The following TRAM1L1 variants were observed in gnomAD, a reference collection of about 807,000 sequenced individuals.
TRAM1L1 encodes translocation associated membrane protein 1 like 1, also known as translocating chain-associated membrane protein 1-like 1.
For synonymous variants in TRAM1L1, 189 were observed against 163.6 expected (o/e 1.16, Z -1.18); for missense variants, 451 against 439.9 (o/e 1.03, Z -0.23).
In TRAM1L1 at chr4:117,084,429, C is replaced by T. The variant is rs1452181036; in HGVS notation, c.965G>A (p.Arg322Lys). Reference sequence around the variant, plus strand: ...CTGAATATTAGAATCTTCTACCCACCTCTGAAGCCAGAGAGTAATTAAGTT... The same window carrying T: ...CTGAATATTAGAATCTTCTACCCACTTCTGAAGCCAGAGAGTAATTAAGTT... ...TWNLITLWLQ[R>K]WVEDSNIQAS... Residue 322 changes from arginine to lysine, a missense_variant, in exon 1 of 1, where the codon AGG becomes AAG. Coordinates refer to ENST00000310754, the MANE Select transcript of TRAM1L1 (RefSeq NM_152402.3). 5 of 1,614,016 alleles carry T rather than the reference C, an allele frequency of 3.1e-6. No individual in the cohort carries two copies. In the African/African-American group the frequency reaches 6.7e-5, roughly 22 times the overall value.
rs1460039332 is a variant in TRAM1L1, at chr4:117,083,724, C to A, written c.*560G>T. 6.6e-6 allele frequency: 1 copy of A among 152,540 alleles called. No individual in the cohort carries two copies. Among genetic ancestry groups the A allele is most frequent in the Non-Finnish European group, 1.5e-5 (1 of 68,030 alleles). 9.4% of individuals were successfully genotyped at this position (152,540 alleles called of 1,614,324 possible). A position where few individuals can be genotyped will look rare whatever the true frequency, so the allele number is the denominator to read the frequency against. On this transcript the variant is annotated 3_prime_UTR_variant, in exon 1 of 1. Coordinates refer to ENST00000310754, the MANE Select transcript of TRAM1L1 (RefSeq NM_152402.3). Reference sequence around the variant, plus strand: ...TGTGTTTTTTTAAATGGGGATGAAGCACTAATAATCACTACCTGTAAAATA... The same window carrying A: ...TGTGTTTTTTTAAATGGGGATGAAGAACTAATAATCACTACCTGTAAAATA...
Position 117,085,554 on chromosome 4 carries a change from G to T in TRAM1L1, c.-161C>A, listed in dbSNP as rs1260527898. 4.0e-6 allele frequency: 4 copies of T among 994,188 alleles called. No homozygotes were observed. The highest frequency in any genetic ancestry group is 1.6e-5 in the African/African-American group (1 of 60,982). The allele number at this position is 994,188 out of a possible 1,614,324, so 61.6% of individuals were successfully genotyped here. On this transcript the variant is annotated 5_prime_UTR_variant, in exon 1 of 1. The change creates a premature stop within an existing upstream ORF in the 5' untranslated region. Coordinates refer to ENST00000310754, the MANE Select transcript of TRAM1L1 (RefSeq NM_152402.3). ...CCCAGAAAAAAAATAAATCAAAGGC[G>T]AGGGCCGAGCTGAGCTGAGCATGCG...
At position 117,085,560 on chromosome 4, in the gene TRAM1L1, C is replaced by CGAGCT. The variant is rs1289436933; in HGVS notation, c.-172_-168dup. On this transcript the variant is annotated 5_prime_UTR_variant, in exon 1 of 1. An upstream open reading frame in the 5' UTR gains an earlier in-frame stop. Transcript: ENST00000310754. ...AAAAAAATAAATCAAAGGCGAGGGC[C>CGAGCT]GAGCTGAGCTGAGCATGCGCACCAG... 2 of 926,460 alleles carry CGAGCT rather than the reference C, an allele frequency of 2.2e-6. No individual in the cohort carries two copies. Among genetic ancestry groups the CGAGCT allele is most frequent in the East Asian group, 2.7e-5 (1 of 37,004 alleles). The allele number at this position is 926,460 out of a possible 1,614,324, so 57.4% of individuals were successfully genotyped here.
chr4:117,084,856 A>G lies in TRAM1L1; in HGVS notation c.538T>C (p.Phe180Leu). The change falls in exon 1 of 1, where the codon TTT (phenylalanine) becomes CTT (leucine). Residue 180 changes from phenylalanine to leucine, a missense_variant. Phe to Leu is a conservative substitution (Grantham distance 22). Coordinates refer to ENST00000310754, the MANE Select transcript of TRAM1L1 (RefSeq NM_152402.3). ...GTTTTCTGGAAGTAGAGTTCAGGAA[A>G]AGCATGAAACCAGTAAGCCAACTGG... Reference protein sequence around the residue: ...ISQLAYWFHAFPELYFQKTKK... With the variant: ...ISQLAYWFHALPELYFQKTKK... The G allele has an allele frequency of 6.2e-7, 1 of 1,614,144 alleles. No individual in the cohort carries two copies. The highest frequency in any genetic ancestry group is 8.5e-7 in the Non-Finnish European group (1 of 1,180,020).
At position 117,085,440 on chromosome 4, in the gene TRAM1L1, C is replaced by G; in HGVS notation, c.-47G>C. 6.4e-7 allele frequency: 1 copy of G among 1,568,454 alleles called. No homozygotes were observed. The highest frequency in any genetic ancestry group is 2.3e-5 in the East Asian group (1 of 44,308). On this transcript the variant is annotated 5_prime_UTR_variant, in exon 1 of 1. Transcript: ENST00000310754. ...ACCGGCGAGCCGCAGCTGCCTCCCC[C>G]TGGCTGCTCCTCACAGCGCCGCCGC...
In TRAM1L1 at chr4:117,084,963, T is replaced by C. The variant is rs993666533; in HGVS notation, c.431A>G (p.Asn144Ser). The C allele has an allele frequency of 6.2e-7, 1 of 1,614,048 alleles. No individual in the cohort carries two copies. The highest frequency in any genetic ancestry group is 8.5e-7 in the Non-Finnish European group (1 of 1,180,014). Reference protein sequence around the residue: ...IWGTFILISENCLSDPTLIWK... With the variant: ...IWGTFILISESCLSDPTLIWK... ...TATAAGAGTTGGGTCTGACAGGCAG[T>C]TTTCAGAGATTAAAATGAATGTGCC... Residue 144 changes from asparagine to serine, a missense_variant, in exon 1 of 1, where the codon AAC (asparagine) becomes AGC (serine). Physicochemically the swap from Asn to Ser is conservative, Grantham distance 46. Coordinates refer to ENST00000310754, the MANE Select transcript of TRAM1L1 (RefSeq NM_152402.3).
rs757959365 is a variant in TRAM1L1 at position 117,085,006 on chromosome 4, A to T, written c.388T>A (p.Phe130Ile). Residue 130 changes from phenylalanine (F) to isoleucine (I), a missense_variant, in exon 1 of 1, where the codon TTT becomes ATT. Phe to Ile is a conservative substitution (Grantham distance 21). Coordinates refer to ENST00000310754, the MANE Select transcript of TRAM1L1 (RefSeq NM_152402.3). ...NESGQFSVFY[F>I]FSCIWGTFIL... ...AATGTGCCCCAAATACAAGAAAAAAAGTAGAACACACTAAACTGACCAGAC... is the reference window on the plus strand; with the variant it reads ...AATGTGCCCCAAATACAAGAAAAAATGTAGAACACACTAAACTGACCAGAC... The T allele has an allele frequency of 6.2e-7, 1 of 1,614,054 alleles. No homozygotes were observed. The highest frequency in any genetic ancestry group is 8.5e-7 in the Non-Finnish European group (1 of 1,180,014).
chr4:117,084,557 C>T lies in TRAM1L1; in HGVS notation c.837G>A (p.Ser279=), dbSNP rs749454354. 61 of 1,614,118 alleles carry T rather than the reference C, an allele frequency of 3.8e-5. No homozygotes were observed. In the South Asian group the frequency reaches 5.6e-4, roughly 15 times the overall value. Residue 279 remains serine (S), a synonymous_variant, in exon 1 of 1, where the codon TCG becomes TCA. Transcript: ENST00000310754. ...VLTVGFHLAG[S]QNRNPDALTG... The stretch of plus-strand genomic sequence containing the variant: ...TAAGGGCATCAGGATTCCGATTCTG[C>T]GATCCAGCCAGGTGAAACCCAACAG...
At position 117,084,946 on chromosome 4, in the gene TRAM1L1, T is replaced by G. The variant is rs749365572; in HGVS notation, c.448A>C (p.Thr150Pro). The change falls in exon 1 of 1, where the codon ACT becomes CCT. Residue 150 changes from threonine (T) to proline (P), a missense_variant. Transcript: ENST00000310754. ...TGGGGACGAGCCTTCCATATAAGAG[T>G]TGGGTCTGACAGGCAGTTTTCAGAG... ...LISENCLSDPTLIWKARPHSM... is the reference protein window; with the variant it reads ...LISENCLSDPPLIWKARPHSM... The G allele has an allele frequency of 5.6e-5, 91 of 1,613,858 alleles. No individual in the cohort carries two copies. The highest frequency in any genetic ancestry group is 7.5e-5 in the Non-Finnish European group (89 of 1,180,008).
chr4:117,085,564 C>G lies in TRAM1L1; in HGVS notation c.-171G>C. ...AAATAAATCAAAGGCGAGGGCCGAGCTGAGCTGAGCATGCGCACCAGGGGG... is the reference window on the plus strand; with the variant it reads ...AAATAAATCAAAGGCGAGGGCCGAGGTGAGCTGAGCATGCGCACCAGGGGG... On this transcript the variant is annotated 5_prime_UTR_variant, in exon 1 of 1. Transcript: ENST00000310754. 1.2e-6 allele frequency: 1 copy of G among 866,574 alleles called. No homozygotes were observed. 53.7% of individuals were successfully genotyped at this position (866,574 alleles called of 1,614,324 possible).
chr4:117,084,685 C>T lies in TRAM1L1; in HGVS notation c.709G>A (p.Gly237Ser), dbSNP rs1484973517. ...TTTTCATCACTAAAGTAAAACAGGC[C>T]GCACATGTGGGAAAGTAATTCAACA... ...YFVELLSHMCGLFYFSDEKYQ... is the reference protein window; with the variant it reads ...YFVELLSHMCSLFYFSDEKYQ... The change falls in exon 1 of 1, where the codon GGC becomes AGC. Residue 237 changes from glycine (G) to serine (S), a missense_variant. Transcript: ENST00000310754. 6 of 1,613,872 alleles carry T rather than the reference C, an allele frequency of 3.7e-6. No individual in the cohort carries two copies. Among genetic ancestry groups the T allele is most frequent in the Non-Finnish European group, 5.1e-6 (6 of 1,179,998 alleles).
chr4:117,085,511 C>G lies in TRAM1L1; in HGVS notation c.-118G>C. On this transcript the variant is annotated 5_prime_UTR_variant, in exon 1 of 1. Coordinates refer to ENST00000310754, the MANE Select transcript of TRAM1L1 (RefSeq NM_152402.3). ...CTCCACTTCCCATCCCGAAGTCAGT[C>G]CCGGGTCGCAGCGGCCGCCCAGAAA... 5 of 1,404,116 alleles carry G rather than the reference C, an allele frequency of 3.6e-6. No homozygotes were observed. Among genetic ancestry groups the G allele is most frequent in the Non-Finnish European group, 4.8e-6 (5 of 1,042,908 alleles). The allele number at this position is 1,404,116 out of a possible 1,614,324, so 87.0% of individuals were successfully genotyped here. A position where few individuals can be genotyped will look rare whatever the true frequency, so the allele number is the denominator to read the frequency against.
chr4:117,085,191 C>A lies in TRAM1L1; in HGVS notation c.203G>T (p.Gly68Val). Residue 68 changes from glycine (G) to valine (V), a missense_variant, in exon 1 of 1, where the codon GGC becomes GTC. Gly to Val is a moderately radical substitution (Grantham distance 109). Coordinates refer to ENST00000310754, the MANE Select transcript of TRAM1L1 (RefSeq NM_152402.3). ...AVPAAEEQATGSKSLYYYGVK... is the reference protein window; with the variant it reads ...AVPAAEEQATVSKSLYYYGVK... ...ACCATAATAATAGAGGGACTTTGAG[C>A]CCGTGGCTTGTTCCTCTGCTGCAGG... 2 of 1,614,018 alleles carry A rather than the reference C, an allele frequency of 1.2e-6. No individual in the cohort carries two copies. Among genetic ancestry groups the A allele is most frequent in the Non-Finnish European group, 1.7e-6 (2 of 1,179,986 alleles).
In TRAM1L1 at chr4:117,085,222, C is replaced by G; in HGVS notation, c.172G>C (p.Ala58Pro). The change falls in exon 1 of 1, where the codon GCT (alanine) becomes CCT (proline). Residue 58 changes from alanine to proline, a missense_variant. Coordinates refer to ENST00000310754, the MANE Select transcript of TRAM1L1 (RefSeq NM_152402.3). The part of the protein sequence containing the change: ...IVFLTLQHSV[A>P]VPAAEEQATG... ...GCTTGTTCCTCTGCTGCAGGGACAG[C>G]AACACTGTGCTGAAGAGTGAGAAAC... is the stretch of plus-strand genomic sequence containing the variant. 1.2e-6 allele frequency: 2 copies of G among 1,614,110 alleles called. No homozygotes were observed. The highest frequency in any genetic ancestry group is 1.7e-6 in the Non-Finnish European group (2 of 1,180,016).
In TRAM1L1 at chr4:117,084,103, CTT is replaced by C. The variant is rs1384621956; in HGVS notation, c.*179_*180del. 3.8e-6 allele frequency: 2 copies of C among 528,588 alleles called. No homozygotes were observed. The highest frequency in any genetic ancestry group is 3.9e-5 in the African/African-American group (2 of 51,240). The allele number at this position is 528,588 out of a possible 1,614,324, so 32.7% of individuals were successfully genotyped here. A position where few individuals can be genotyped will look rare whatever the true frequency, so the allele number is the denominator to read the frequency against. On this transcript the variant is annotated 3_prime_UTR_variant, in exon 1 of 1. Transcript: ENST00000310754. Reference sequence around the variant, plus strand: ...TGAGTAATTTAGTCTCAACCAAAATCTTTTTTTCCCATTCATAATAATCCTCC... The same window carrying C: ...TGAGTAATTTAGTCTCAACCAAAATCTTTTTCCCATTCATAATAATCCTCC...
Position 117,085,004 on chromosome 4 carries a change from A to G in TRAM1L1, c.390T>C (p.Phe130=). 6.2e-7 allele frequency: 1 copy of G among 1,613,992 alleles called. No homozygotes were observed. The change falls in exon 1 of 1, where the codon TTT becomes TTC. Residue 130 remains phenylalanine, a synonymous_variant. Transcript: ENST00000310754. ...NESGQFSVFY[F]FSCIWGTFIL... ...TGAATGTGCCCCAAATACAAGAAAA[A>G]AAGTAGAACACACTAAACTGACCAG... is the stretch of plus-strand genomic sequence containing the variant.
Position 117,084,595 on chromosome 4 carries a change from C to A in TRAM1L1, c.799G>T (p.Val267Phe). Residue 267 changes from valine to phenylalanine, a missense_variant, in exon 1 of 1, where the codon GTT (valine) becomes TTT (phenylalanine). Physicochemically the swap from Val to Phe is conservative, Grantham distance 50. Transcript: ENST00000310754. ...FILGRLVTLIVSVLTVGFHLA... is the reference protein window; with the variant it reads ...FILGRLVTLIFSVLTVGFHLA... The stretch of plus-strand genomic sequence containing the variant: ...TGAAACCCAACAGTGAGTACGGAAA[C>A]AATTAAAGTCACAAGTCTACCCAAG... 1 of 1,614,130 alleles carries A rather than the reference C, an allele frequency of 6.2e-7. No homozygotes were observed.
At position 117,085,523 on chromosome 4, in the gene TRAM1L1, C is replaced by A; in HGVS notation, c.-130G>T. 7.8e-7 allele frequency: 1 copy of A among 1,276,622 alleles called. No individual in the cohort carries two copies. Among genetic ancestry groups the A allele is most frequent in the African/African-American group, 1.5e-5 (1 of 66,596 alleles). The allele number at this position is 1,276,622 out of a possible 1,614,324, so 79.1% of individuals were successfully genotyped here. On this transcript the variant is annotated 5_prime_UTR_variant, in exon 1 of 1. Coordinates refer to ENST00000310754, the MANE Select transcript of TRAM1L1 (RefSeq NM_152402.3). ...TCCCGAAGTCAGTCCCGGGTCGCAG[C>A]GGCCGCCCAGAAAAAAAATAAATCA...
Position 117,085,114 on chromosome 4 carries a change from GAAT to G in TRAM1L1, c.277_279del (p.Ile93del). On this transcript the variant is annotated inframe_deletion, in exon 1 of 1. Coordinates refer to ENST00000310754, the MANE Select transcript of TRAM1L1 (RefSeq NM_152402.3). ...AACACATATTCCTGAATTGTGGCAT[GAAT>G]AATGATTGCCACCAGCATGTAGAAG... is the stretch of plus-strand genomic sequence containing the variant. The G allele has an allele frequency of 1.2e-6, 2 of 1,614,118 alleles. No individual in the cohort carries two copies. Among genetic ancestry groups the G allele is most frequent in the Non-Finnish European group, 1.7e-6 (2 of 1,180,030 alleles).
Sources: gnomAD v4.1 joint callset for allele counts on GRCh38, gnomAD v4.1.1 for gene constraint, MANE v1.5 for transcripts, NCBI Gene and HGNC (gene_info 2026-07-23, HGNC 2026-07-21) for gene names.